The following AMD1 variants were observed in gnomAD, a reference collection of about 807,000 sequenced individuals.
AMD1 encodes adenosylmethionine decarboxylase 1.
In AMD1, 11 loss-of-function variants were observed where a neutral mutation model predicts 40.2. That is an observed-to-expected ratio of 0.27 (90% CI 0.17 to 0.45). The LOEUF is 0.45. Among genes scored for constraint, AMD1 ranks in the 20% least tolerant of loss-of-function variants. The pLI, the probability that AMD1 is intolerant of heterozygous loss-of-function variation, is 1.00. For missense variants in AMD1, 257 were observed against 410.2 expected (o/e 0.63, Z 3.23); for synonymous variants, 121 against 130.8 (o/e 0.93, Z 0.51).
At chr6:110,858,722 G>T in the AMD1 span, 1 of 794,000 alleles carries the variant, frequency 1.3e-6, no homozygotes, top group Admixed American at 1.8e-5. Flanking sequence ...CATGAAGGCT[G>T]GCCAGTGCAC....
At chr6:110,828,541 G>A in the AMD1 span, among the ~76,000 whole-genome samples, 3 of 152,196 alleles carry the variant, frequency 2.0e-5, no homozygotes, top group African/African-American at 7.2e-5. Context: ...AAAGGTGGGT[G>A]TGCCCAGCAT....
At chr6:110,857,041 G>T in the AMD1 span, among the ~76,000 whole-genome samples, 1 of 151,884 alleles carries the variant, frequency 6.6e-6, no homozygotes, top group African/African-American at 2.4e-5. Context: ...GCGGGCACCT[G>T]TAATCCCAGC....
chr6:110,880,789 C>T (rs919810521), intron 1 of AMD1, among the ~76,000 whole-genome samples: 1 of 152,168 alleles, frequency 6.6e-6, no homozygotes, highest in East Asian at 1.9e-4. Context: ...TCTCCTGCCT[C>T]AGCCTCACGA....
intron 1 of AMD1, among the ~76,000 whole-genome samples, chr6:110,881,818 G>C (rs1363165075): frequency 1.6e-5 from 2 of 128,426 alleles, no homozygotes; most frequent in Non-Finnish European, 3.1e-5. Context: ...GAACAAGACT[G>C]CATCTCAAAA....
the AMD1 span, among the ~76,000 whole-genome samples, chr6:110,843,518 G>A: frequency 1.3e-5 from 2 of 151,556 alleles, no homozygotes; most frequent in African/African-American, 4.8e-5. Flanking sequence ...CTATGAGTTG[G>A]AAGCAGCCTC....
intron 2 of AMD1, chr6:110,888,647 T>C (rs1785837825): frequency 5.1e-6 from 2 of 392,826 alleles, no homozygotes; most frequent in African/African-American, 4.2e-5. Flanking sequence ...ATTATGAATA[T>C]ACGAATGTTT....
chr6:110,814,654 A>G, the AMD1 span: 1 of 498,654 alleles, frequency 2.0e-6, no homozygotes, highest in Non-Finnish European at 3.9e-6. Context: ...TCCGCAGCGG[A>G]GCTCTGCCTG....
chr6:110,885,268 C>T (rs1386068654), intron 1 of AMD1, among the ~76,000 whole-genome samples: 4 of 152,078 alleles, frequency 2.6e-5, no homozygotes, highest in Admixed American at 6.6e-5. Context: ...CCCACCACTA[C>T]GCCCAGCTAA....
chr6:110,824,761 T>A, the AMD1 span, among the ~76,000 whole-genome samples: 1 of 152,078 alleles, frequency 6.6e-6, no homozygotes, highest in Admixed American at 6.6e-5. Context: ...GCAAAGGGCT[T>A]GAGGAAAGAA....
chr6:110,831,685 G>T, the AMD1 span, among the ~76,000 whole-genome samples: 2 of 152,198 alleles, frequency 1.3e-5, no homozygotes. Flanking sequence ...AGGAGCCAAT[G>T]TTTGCATTGG....
chr6:110,819,000 A>G, the AMD1 span, among the ~76,000 whole-genome samples: 1 of 152,232 alleles, frequency 6.6e-6, no homozygotes, highest in African/African-American at 2.4e-5. Context: ...CTCTGACAAA[A>G]GTGTTCAGGT....
the AMD1 span, among the ~76,000 whole-genome samples, chr6:110,821,598 G>A: frequency 6.6e-6 from 1 of 151,740 alleles, no homozygotes; most frequent in African/African-American, 2.4e-5. Flanking sequence ...TGGGAGACGA[G>A]CAAAACTCCA....
chr6:110,890,669 A>C (rs1168132100), intron 4 of AMD1: 2 of 176,574 alleles, frequency 1.1e-5, no homozygotes, highest in Admixed American at 6.3e-5. Flanking sequence ...TTTAATTTTT[A>C]GTAAAGACAA....
chr6:110,871,183 A>G (rs1391604377), upstream of AMD1, among the ~76,000 whole-genome samples: 1 of 152,254 alleles, frequency 6.6e-6, no homozygotes, highest in African/African-American at 2.4e-5. Flanking sequence ...TTTGATTTCA[A>G]TTGTAATGGG....
the AMD1 span, among the ~76,000 whole-genome samples, chr6:110,819,981 A>C: frequency 1.1e-4 from 17 of 152,202 alleles, no homozygotes. Flanking sequence ...ATGCCATAGC[A>C]ACTTGAGAAG....
At chr6:110,887,999 A>G (rs1785789953) in intron 2 of AMD1, among the ~76,000 whole-genome samples, 1 of 151,948 alleles carries the variant, frequency 6.6e-6, no homozygotes, top group Non-Finnish European at 1.5e-5. Context: ...TTTTTACATT[A>G]TTCTTAAAAA....
the AMD1 span, among the ~76,000 whole-genome samples, chr6:110,843,742 C>T: frequency 2.1e-3 from 313 of 152,024 alleles, 3 homozygotes; most frequent in Non-Finnish European, 6.5e-4. Context: ...TGCACCACCA[C>T]ACCTGGCTAA....
At chr6:110,874,609 C>T (rs879809274), upstream of AMD1, among the ~76,000 whole-genome samples, 13 of 151,596 alleles carry the variant, frequency 8.6e-5, no homozygotes, top group Admixed American at 2.0e-4. Flanking sequence ...CGAGCCGCAG[C>T]GCAGTGGGCA....
intron 1 of AMD1, chr6:110,875,766 C>T (rs372039810): frequency 1.4e-4 from 22 of 152,470 alleles, no homozygotes; most frequent in African/African-American, 4.6e-4. Flanking sequence ...GAAGAGGCCT[C>T]CCACCCGCGG....
Sources: allele counts gnomAD v4.1 joint callset (sites outside exome capture counted in the v4.1 genomes callset), GRCh38; gene constraint gnomAD v4.1.1; transcripts MANE v1.5; gene names NCBI Gene and HGNC (gene_info 2026-07-23, HGNC 2026-07-21).